The following KLF7 variants were observed in gnomAD, a reference collection of about 807,000 sequenced individuals.
The protein encoded by KLF7 is KLF transcription factor 7, also known as Krueppel-like factor 7.
KLF7 carries 2 observed loss-of-function variants against 27.3 expected under a neutral mutation model. That is an observed-to-expected ratio of 0.07 (90% CI 0.03 to 0.23). The LOEUF (loss-of-function observed/expected upper bound fraction) is 0.23. Among genes scored for constraint, KLF7 ranks in the 10% least tolerant of loss-of-function variants. The probability of loss-of-function intolerance (pLI) is 1.00; values close to 1 mark genes in which losing one functional copy is unlikely to be tolerated. For missense variants in KLF7, 221 were observed against 394.1 expected (o/e 0.56, Z 3.72); for synonymous variants, 165 against 162.4 (o/e 1.02, Z -0.12).
Position 207,102,147 on chromosome 2 carries a change from C to CAT in KLF7, c.734-13567_734-13566insAT, listed in dbSNP as rs550784730. 2.7e-3 allele frequency among the ~76,000 whole-genome samples: 403 copies of CAT among 151,570 alleles called. 3 individuals carry two copies. The highest frequency in any genetic ancestry group is 9.5e-3 in the African/African-American group (391 of 41,316). On this transcript the variant is annotated intron_variant, in intron 2 of 3. Transcript: ENST00000309446. ...ACATTCACACACACACACACACACACACACACACACACCCTGCCCTCCCCC... is the reference window on the plus strand; with the variant it reads ...ACATTCACACACACACACACACACACATACACACACACACCCTGCCCTCCCCC...
chr2:207,076,648 T>A lies in KLF7; in HGVS notation c.*4565A>T, dbSNP rs1023270250. 2 of 152,176 alleles carry A rather than the reference T, an allele frequency of 1.3e-5. No individual in the cohort carries two copies. The allele number at this position is 152,176 out of a possible 1,614,324, so 9.4% of individuals were successfully genotyped here. On this transcript the variant is annotated 3_prime_UTR_variant, in exon 4 of 4. Transcript: ENST00000309446. Reference sequence around the variant, plus strand: ...GCTTCCTTTCACACATTTCTGTTGTTCCATCTCAAGTATTCCCAAAGATCC... The same window carrying A: ...GCTTCCTTTCACACATTTCTGTTGTACCATCTCAAGTATTCCCAAAGATCC...
chr2:207,092,349 G>C (rs966407142), intron 2 of KLF7, among the ~76,000 whole-genome samples: 2 of 152,230 alleles, frequency 1.3e-5, no homozygotes, highest in African/African-American at 4.8e-5. Context: ...CAGTGAGGCT[G>C]TGCCCCCACA....
intron 1 of KLF7, among the ~76,000 whole-genome samples, chr2:207,144,423 T>C (rs757704164): frequency 2.0e-5 from 3 of 152,162 alleles, no homozygotes; most frequent in Non-Finnish European, 4.4e-5. Flanking sequence ...CTTATACATT[T>C]TTTCACCAGA....
intron 1 of KLF7, among the ~76,000 whole-genome samples, chr2:207,155,637 G>C (rs1259602186): frequency 6.6e-6 from 1 of 152,142 alleles, no homozygotes; most frequent in African/African-American, 2.4e-5. Flanking sequence ...CTTGAGAAGG[G>C]GAGGAGAATG....
intron 1 of KLF7, among the ~76,000 whole-genome samples, chr2:207,161,548 A>G (rs1320927): frequency 0.98 from 148,581 of 152,292 alleles, 72,585 homozygotes; most frequent in East Asian, 1. Context: ...AGCACCTGGC[A>G]GCCCAGGCCT....
chr2:207,166,597 G>A (rs2078719535), upstream of KLF7: 1 of 160,158 alleles, frequency 6.2e-6, no homozygotes, highest in Non-Finnish European at 1.3e-5. Context: ...AAAGGCCGGA[G>A]TGCGGGGTCA....
intron 1 of KLF7, among the ~76,000 whole-genome samples, chr2:207,143,993 G>A (rs1055107774): frequency 1.3e-5 from 2 of 152,080 alleles, no homozygotes; most frequent in African/African-American, 4.8e-5. Context: ...TCTCTGCCTT[G>A]GTGGAGAGAG....
At chr2:207,163,309 T>C (rs1426365793) in intron 1 of KLF7, among the ~76,000 whole-genome samples, 3 of 152,042 alleles carry the variant, frequency 2.0e-5, no homozygotes, top group East Asian at 1.9e-4. Flanking sequence ...TGGCTGGCAG[T>C]TGGAGAGGGT....
intron 1 of KLF7, among the ~76,000 whole-genome samples, chr2:207,126,882 A>G (rs895191950): frequency 1.3e-5 from 2 of 151,946 alleles, no homozygotes; most frequent in Non-Finnish European, 2.9e-5. Flanking sequence ...CCTCCTCTAC[A>G]ATGACTTTCA....
At position 207,124,276 on chromosome 2, in the gene KLF7, T is replaced by C. The variant is rs1470391523; in HGVS notation, c.231A>G (p.Leu77=). The change falls in exon 2 of 4, where the codon TTA becomes TTG. Residue 77 remains leucine, a synonymous_variant. Transcript: ENST00000309446. ...CTTCCACGGGGAGCAGCAGGGGGTC[T>C]AAGCGACGGAAGCTTTCCTCAATGC... The part of the protein sequence containing the change: ...PPCIEESFRR[L]DPLLLPVEAA... 2 of 1,614,018 alleles carry C rather than the reference T, an allele frequency of 1.2e-6. No homozygotes were observed. Among genetic ancestry groups the C allele is most frequent in the East Asian group, 2.2e-5 (1 of 44,860 alleles).
At chr2:207,111,283 A>T (rs1019141026) in intron 2 of KLF7, among the ~76,000 whole-genome samples, 2 of 152,118 alleles carry the variant, frequency 1.3e-5, no homozygotes, top group Non-Finnish European at 2.9e-5. Context: ...TGCCCTTCTT[A>T]GCCTCAGAAG....
chr2:207,140,327 C>T (rs2077905622), intron 1 of KLF7, among the ~76,000 whole-genome samples: 2 of 152,152 alleles, frequency 1.3e-5, no homozygotes, highest in Non-Finnish European at 2.9e-5. Flanking sequence ...TGCTATCCAA[C>T]ATTTTAAAAA....
At chr2:207,158,684 A>C (rs1471370959) in intron 1 of KLF7, among the ~76,000 whole-genome samples, 1 of 152,238 alleles carries the variant, frequency 6.6e-6, no homozygotes, top group Non-Finnish European at 1.5e-5. Context: ...TTTCCAATTT[A>C]GCACACATTA....
chr2:207,158,149 G>A (rs1430302132), intron 1 of KLF7, among the ~76,000 whole-genome samples: 2 of 152,154 alleles, frequency 1.3e-5, no homozygotes, highest in African/African-American at 4.8e-5. Flanking sequence ...AGGTGAAAGA[G>A]ATCTGTGAGA....
upstream of KLF7, among the ~76,000 whole-genome samples, chr2:207,168,633 C>T (rs1471282430): frequency 6.6e-6 from 1 of 152,204 alleles, no homozygotes; most frequent in African/African-American, 2.4e-5. Context: ...ATGTAACTAT[C>T]AGCCGTCTGA....
At chr2:207,126,549 T>A (rs2077480577) in intron 1 of KLF7, among the ~76,000 whole-genome samples, 1 of 152,214 alleles carries the variant, frequency 6.6e-6, no homozygotes, top group South Asian at 2.1e-4. Context: ...TCTTGAGCTT[T>A]GCCCAAAGAG....
In KLF7 at chr2:207,102,126, T is replaced by TCACACACA. The variant is rs59384224; in HGVS notation, c.734-13553_734-13546dup. ...CCACCCGTGAAAGCTACATTCACAT[T>TCACACACA]CACACACACACACACACACACACAC... On this transcript the variant is annotated intron_variant, in intron 2 of 3. Coordinates refer to ENST00000309446, the MANE Select transcript of KLF7 (RefSeq NM_003709.4). Among the ~76,000 whole-genome samples, 225 of 141,262 alleles carry TCACACACA rather than the reference T, an allele frequency of 1.6e-3. 1 individual carries two copies. The highest frequency in any genetic ancestry group is 2.6e-3 in the East Asian group (13 of 4,912). The allele number at this position is 141,262 out of a possible 152,430, so 92.7% of individuals were successfully genotyped here. A position where few individuals can be genotyped will look rare whatever the true frequency, so the allele number is the denominator to read the frequency against.
chr2:207,113,730 C>T (rs1180399425), intron 2 of KLF7, among the ~76,000 whole-genome samples: 1 of 151,736 alleles, frequency 6.6e-6, no homozygotes, highest in Non-Finnish European at 1.5e-5. Flanking sequence ...GTATTTAATG[C>T]TGATGTGGTT....
chr2:207,077,540 C>G lies in KLF7; in HGVS notation c.*3673G>C, dbSNP rs59137430. ...GAAGGGCTTTGCAAGGGAAAGCACACAGAGAGGAGGAAATGGTCAGCATGA... is the reference window on the plus strand; with the variant it reads ...GAAGGGCTTTGCAAGGGAAAGCACAGAGAGAGGAGGAAATGGTCAGCATGA... On this transcript the variant is annotated 3_prime_UTR_variant, in exon 4 of 4. Coordinates refer to ENST00000309446, the MANE Select transcript of KLF7 (RefSeq NM_003709.4). 2 of 152,128 alleles carry G rather than the reference C, an allele frequency of 1.3e-5. No homozygotes were observed. The highest frequency in any genetic ancestry group is 2.4e-5 in the African/African-American group (1 of 41,402). 9.4% of individuals were successfully genotyped at this position (152,128 alleles called of 1,614,324 possible).
Sources: gnomAD v4.1 joint callset for allele counts (sites outside exome capture counted in the v4.1 genomes callset) on GRCh38, gnomAD v4.1.1 for gene constraint, MANE v1.5 for transcripts, NCBI Gene and HGNC (gene_info 2026-07-23, HGNC 2026-07-21) for gene names.